Variants in RXFP1 observed in about 807,000 individuals in gnomAD.
RXFP1 encodes relaxin family peptide receptor 1.
RXFP1 carries 73 observed loss-of-function variants against 89.8 expected under a neutral mutation model. That is an observed-to-expected ratio of 0.81 (90% confidence interval 0.67 to 0.99). RXFP1 has a LOEUF of 0.99. RXFP1 is among the 50% of genes least tolerant of loss of function. The pLI is 0.00. For missense variants in RXFP1, 793 were observed against 895.5 expected, an observed-to-expected ratio of 0.89 and a Z score of 1.46; for synonymous variants, 277 against 305.5, an observed-to-expected ratio of 0.91 and a Z score of 0.97.
intron 8 of RXFP1, among the ~76,000 whole-genome samples, chr4:158,616,392 G>A (rs1372344161): frequency 6.6e-6 from 1 of 151,936 alleles, no homozygotes; most frequent in East Asian, 1.9e-4. Flanking sequence ...TTGCACCACT[G>A]CACTCCAGCC....
intron 3 of RXFP1, among the ~76,000 whole-genome samples, chr4:158,594,504 T>C (rs1184397021): frequency 1.3e-5 from 2 of 151,972 alleles, no homozygotes; most frequent in African/African-American, 4.8e-5. Context: ...TGTTTGACTT[T>C]TTTTTTTTTG....
intron 1 of RXFP1, among the ~76,000 whole-genome samples, chr4:158,538,000 T>C (rs935246647): frequency 2.0e-5 from 3 of 152,158 alleles, no homozygotes; most frequent in African/African-American, 4.8e-5. Context: ...GGCACTCAGA[T>C]AGGTGGAACA....
intron 1 of RXFP1, chr4:158,544,370 G>A (rs1435806494): frequency 1.0e-6 from 1 of 984,864 alleles, no homozygotes; most frequent in African/African-American, 1.7e-5. Context: ...TTCAAAAGAG[G>A]GACAGATCAC....
intron 1 of RXFP1, among the ~76,000 whole-genome samples, chr4:158,548,785 C>G (rs1490007945): frequency 6.6e-6 from 1 of 152,228 alleles, no homozygotes; most frequent in African/African-American, 2.4e-5. Context: ...GGCCCCCACT[C>G]TCTTCTGGCT....
intron 10 of RXFP1, among the ~76,000 whole-genome samples, chr4:158,627,095 TA>T (rs768653587): frequency 2.1e-5 from 3 of 140,946 alleles, no homozygotes; most frequent in Non-Finnish European, 4.5e-5. Flanking sequence ...AGTTTTTCTT[TA>T]CAATTGTGAA....
chr4:158,527,458 G>A (rs1024388146), intron 1 of RXFP1, among the ~76,000 whole-genome samples: 1 of 150,512 alleles, frequency 6.6e-6, no homozygotes, highest in Non-Finnish European at 1.5e-5. Context: ...CTGGAGAATC[G>A]CTTGAACCCA....
intron 2 of RXFP1, among the ~76,000 whole-genome samples, chr4:158,588,831 G>A (rs1003694872): frequency 4.6e-5 from 7 of 152,154 alleles, no homozygotes; most frequent in Non-Finnish European, 1.0e-4. Flanking sequence ...ACATTTGTAT[G>A]CATTTGCTCC....
intron 1 of RXFP1, among the ~76,000 whole-genome samples, chr4:158,534,672 C>G (rs1744863049): frequency 6.6e-6 from 1 of 151,856 alleles, no homozygotes; most frequent in African/African-American, 2.4e-5. Flanking sequence ...CTCACATGAA[C>G]CCTGAAAGGT....
chr4:158,594,734 G>GT (rs1467628646), intron 3 of RXFP1, among the ~76,000 whole-genome samples: 2 of 152,024 alleles, frequency 1.3e-5, no homozygotes, highest in East Asian at 1.9e-4. Context: ...TTTTAAACAT[G>GT]TATTTTTTAT....
chr4:158,651,452 T>C (rs1349328586), intron 17 of RXFP1, among the ~76,000 whole-genome samples: 2 of 152,200 alleles, frequency 1.3e-5, no homozygotes, highest in Admixed American at 1.3e-4. Context: ...TCCTAAAATA[T>C]AATCATAATA....
chr4:158,589,247 T>C (rs1758907436), intron 2 of RXFP1, among the ~76,000 whole-genome samples: 1 of 152,068 alleles, frequency 6.6e-6, no homozygotes. Flanking sequence ...CCTTAACAAG[T>C]GGGTATTATT....
intron 4 of RXFP1, among the ~76,000 whole-genome samples, chr4:158,602,135 T>C (rs1422320329): frequency 4.6e-5 from 7 of 152,232 alleles, no homozygotes; most frequent in Non-Finnish European, 1.0e-4. Flanking sequence ...TGGGTTGTTC[T>C]ATTCAATGAG....
At chr4:158,592,326 C>T (rs1464194031) in intron 2 of RXFP1, among the ~76,000 whole-genome samples, 1 of 152,216 alleles carries the variant, frequency 6.6e-6, no homozygotes, top group East Asian at 1.9e-4. Context: ...GTAATCCCAG[C>T]ACTCTGGGGG....
At chr4:158,628,208 G>C (rs570277638) in intron 10 of RXFP1, among the ~76,000 whole-genome samples, 1 of 152,286 alleles carries the variant, frequency 6.6e-6, no homozygotes, top group East Asian at 1.9e-4. Flanking sequence ...GCTAAGAGTG[G>C]ACTTCCTTAG....
At chr4:158,610,668 G>A (rs1763409812) in intron 6 of RXFP1, 1 of 1,289,488 alleles carries the variant, frequency 7.8e-7, no homozygotes. Flanking sequence ...GAAAAATGAA[G>A]AGGACTGGGC....
intron 3 of RXFP1, among the ~76,000 whole-genome samples, chr4:158,594,653 A>G (rs1435053944): frequency 6.6e-6 from 1 of 152,206 alleles, no homozygotes; most frequent in Admixed American, 6.5e-5. Context: ...AGAAACATAC[A>G]TATTTAATGG....
At chr4:158,610,676 G>A (rs926842401) in intron 6 of RXFP1, 26 of 1,289,484 alleles carry the variant, frequency 2.0e-5, no homozygotes, top group Admixed American at 4.6e-5. Flanking sequence ...AAGAGGACTG[G>A]GCAAAACAGG....
chr4:158,645,537 C>T (rs553599021), intron 15 of RXFP1, among the ~76,000 whole-genome samples: 2 of 152,318 alleles, frequency 1.3e-5, no homozygotes, highest in South Asian at 4.1e-4. Context: ...ATTGACTTAA[C>T]AACTACATGT....
At chr4:158,525,219 C>CAG (rs1553988676) in intron 1 of RXFP1, among the ~76,000 whole-genome samples, 1 of 138,142 alleles carries the variant, frequency 7.2e-6, no homozygotes, top group East Asian at 2.1e-4. Context: ...TATACTTTGG[C>CAG]GGGGGGGGGT....
Sources: allele counts gnomAD v4.1 joint callset (sites outside exome capture counted in the v4.1 genomes callset), GRCh38; gene constraint gnomAD v4.1.1; transcripts MANE v1.5; gene names NCBI Gene and HGNC (gene_info 2026-07-23, HGNC 2026-07-21).